PTPRD: variants seen among roughly 807,000 people sequenced by gnomAD.
The protein encoded by PTPRD is receptor-type tyrosine-protein phosphatase delta.
PTPRD carries 34 observed loss-of-function variants against 214.5 expected under a neutral mutation model. The observed-to-expected ratio is 0.16, with a 90% CI of 0.12 to 0.21. PTPRD has a LOEUF of 0.21. Ranked by LOEUF, PTPRD falls within the 10% of genes least tolerant of loss-of-function variation. The probability of loss-of-function intolerance (pLI) is 1.00; values close to 1 mark genes in which losing one functional copy is unlikely to be tolerated. For synonymous variants in PTPRD, 1,128 were observed against 845.7 expected, an observed-to-expected ratio of 1.33 and a Z score of -5.79; for missense variants, 2,545 against 2,398.7, an observed-to-expected ratio of 1.06 and a Z score of -1.27.
intron 6 of PTPRD, among the ~76,000 whole-genome samples, chr9:9,736,500 T>G (rs927074575): frequency 6.6e-6 from 1 of 152,086 alleles, no homozygotes; most frequent in Middle Eastern, 3.2e-3. Flanking sequence ...TAAGCATCCT[T>G]TGTTAAGAGT....
chr9:9,298,728 TTAATTCCTCC>T, intron 9 of PTPRD, among the ~76,000 whole-genome samples: 1 of 151,862 alleles, frequency 6.6e-6, no homozygotes, highest in Non-Finnish European at 1.5e-5. Context: ...CTGTTTATAT[TTAATTCCTCC>T]TCTTCTCTGA....
At chr9:8,663,392 A>AT (rs1404719762) in intron 12 of PTPRD, among the ~76,000 whole-genome samples, 3 of 151,398 alleles carry the variant, frequency 2.0e-5, no homozygotes, top group Non-Finnish European at 4.4e-5. Context: ...AACTAAAAAA[A>AT]AAAATATCAC....
intron 5 of PTPRD, among the ~76,000 whole-genome samples, chr9:9,900,125 AT>A (rs1427311966): frequency 2.6e-5 from 4 of 152,200 alleles, no homozygotes; most frequent in African/African-American, 9.6e-5. Flanking sequence ...CCACAGCTGC[AT>A]TAAGTTCTTC....
chr9:9,025,363 A>G (rs1222693743), intron 10 of PTPRD, among the ~76,000 whole-genome samples: 1 of 152,034 alleles, frequency 6.6e-6, no homozygotes, highest in Non-Finnish European at 1.5e-5. Context: ...TGTTGATGTC[A>G]TTGTATAGAA....
chr9:9,701,058 G>C (rs368439631), intron 7 of PTPRD, among the ~76,000 whole-genome samples: 6 of 151,018 alleles, frequency 4.0e-5, no homozygotes, highest in Non-Finnish European at 8.9e-5. Flanking sequence ...AAAAAAAATT[G>C]AATAGGTATT....
chr9:9,045,199 T>C (rs938736554), intron 10 of PTPRD, among the ~76,000 whole-genome samples: 3 of 152,110 alleles, frequency 2.0e-5, no homozygotes, highest in South Asian at 2.1e-4. Flanking sequence ...TGGGAGCTCA[T>C]TAAAGGAAGG....
chr9:9,921,802 G>A (rs1459437284), intron 5 of PTPRD, among the ~76,000 whole-genome samples: 2 of 151,308 alleles, frequency 1.3e-5, no homozygotes, highest in African/African-American at 4.8e-5. Context: ...GTAATTGAGA[G>A]CAGCTGATAT....
chr9:10,363,022 T>C (rs1401243279), intron 2 of PTPRD, among the ~76,000 whole-genome samples: 3 of 152,248 alleles, frequency 2.0e-5, no homozygotes, highest in Non-Finnish European at 4.4e-5. Context: ...TGTAAGTTTA[T>C]ATCAGAAATT....
intron 39 of PTPRD, among the ~76,000 whole-genome samples, chr9:8,356,808 T>C (rs1046555426): frequency 1.3e-5 from 2 of 152,226 alleles, no homozygotes; most frequent in South Asian, 2.1e-4. Context: ...ATTAACTAAA[T>C]ACGTGTGCAT....
At chr9:10,538,078 T>G (rs1362193986) in intron 2 of PTPRD, among the ~76,000 whole-genome samples, 5 of 151,992 alleles carry the variant, frequency 3.3e-5, no homozygotes. Context: ...TCAACTTGCA[T>G]AGTCTTAATC....
At chr9:8,367,205 A>G (rs534953464) in intron 39 of PTPRD, among the ~76,000 whole-genome samples, 6 of 152,086 alleles carry the variant, frequency 3.9e-5, no homozygotes, top group African/African-American at 1.5e-4. Flanking sequence ...AATATTTAAA[A>G]TAAGAGTTGC....
At chr9:8,610,542 T>C (rs962492648) in intron 14 of PTPRD, among the ~76,000 whole-genome samples, 6 of 152,304 alleles carry the variant, frequency 3.9e-5, no homozygotes, top group Middle Eastern at 3.4e-3. Context: ...TCCTCTCTGT[T>C]AGACAAATGA....
chr9:8,795,170 A>G (rs2096373276), intron 11 of PTPRD, among the ~76,000 whole-genome samples: 1 of 151,992 alleles, frequency 6.6e-6, no homozygotes, highest in South Asian at 2.1e-4. Flanking sequence ...ATGAAGAAAA[A>G]AAAAATTTTT....
chr9:10,094,691 G>T (rs1208064631), intron 3 of PTPRD, among the ~76,000 whole-genome samples: 1 of 151,240 alleles, frequency 6.6e-6, no homozygotes, highest in Non-Finnish European at 1.5e-5. Context: ...ATGCTGCAGA[G>T]CTTGACTTCT....
intron 5 of PTPRD, among the ~76,000 whole-genome samples, chr9:9,911,315 G>C (rs1010099604): frequency 1.3e-5 from 2 of 152,000 alleles, no homozygotes; most frequent in African/African-American, 4.8e-5. Flanking sequence ...CTCTTACTTA[G>C]AGTCTCTGTG....
intron 4 of PTPRD, among the ~76,000 whole-genome samples, chr9:9,981,431 T>A (rs1208319606): frequency 6.6e-6 from 1 of 150,730 alleles, no homozygotes; most frequent in East Asian, 2.0e-4. Context: ...CTCGGCTCAG[T>A]GCAAGCTCCA....
At chr9:10,214,268 T>TTTTGTTTG (rs527962731) in intron 3 of PTPRD, among the ~76,000 whole-genome samples, 2 of 151,884 alleles carry the variant, frequency 1.3e-5, no homozygotes, top group South Asian at 4.2e-4. Flanking sequence ...AATTAATTCT[T>TTTTGTTTG]TTTGTTTGTT....
At chr9:8,823,815 G>A (rs1191113382) in intron 11 of PTPRD, among the ~76,000 whole-genome samples, 3 of 152,174 alleles carry the variant, frequency 2.0e-5, no homozygotes, top group South Asian at 2.1e-4. Flanking sequence ...AGTTTGCAGT[G>A]CAAAGTGAAA....
At chr9:10,270,148 T>A (rs10958989) in intron 3 of PTPRD, among the ~76,000 whole-genome samples, 12,441 of 152,204 alleles carry the variant, frequency 0.082, 657 homozygotes, top group Non-Finnish European at 0.11. Context: ...CAAGTATACA[T>A]AAACTTATGG....
Sources: allele counts gnomAD v4.1 joint callset (sites outside exome capture counted in the v4.1 genomes callset), GRCh38; gene constraint gnomAD v4.1.1; transcripts MANE v1.5; gene names NCBI Gene and HGNC (gene_info 2026-07-23, HGNC 2026-07-21).